Variants in PDE7B observed in about 807,000 individuals in gnomAD.
The protein encoded by PDE7B is 3',5'-cyclic-AMP phosphodiesterase 7B.
A neutral mutation model predicts 56.2 loss-of-function variants in PDE7B; 29 were observed. The ratio of observed to expected loss-of-function variants is 0.52; its 90% CI spans 0.38 to 0.70. The LOEUF is 0.70. Ranked by LOEUF, PDE7B falls within the 30% of genes least tolerant of loss-of-function variation. The probability of loss-of-function intolerance (pLI) is 0.00; values close to 1 mark genes in which losing one functional copy is unlikely to be tolerated. For synonymous variants in PDE7B, 197 were observed against 196.9 expected, an observed-to-expected ratio of 1.00 and a Z score of 0.00; for missense variants, 490 against 565.0, an observed-to-expected ratio of 0.87 and a Z score of 1.35.
At chr6:136,071,039 A>G (rs566261445) in intron 2 of PDE7B, among the ~76,000 whole-genome samples, 1 of 152,076 alleles carries the variant, frequency 6.6e-6, no homozygotes, top group East Asian at 1.9e-4. Flanking sequence ...TTCCAAACCC[A>G]CGCCTGGACC....
chr6:136,179,902 C>T (rs3823160), intron 10 of PDE7B, among the ~76,000 whole-genome samples: 19,559 of 152,226 alleles, frequency 0.13, 3,025 homozygotes, highest in African/African-American at 0.36. Flanking sequence ...TTTTACTCCA[C>T]GGCAAGAAGC....
intron 3 of PDE7B, among the ~76,000 whole-genome samples, chr6:136,143,205 T>A (rs1778357003): frequency 6.6e-6 from 1 of 152,060 alleles, no homozygotes; most frequent in African/African-American, 2.4e-5. Flanking sequence ...CTGGGGTTTT[T>A]TAAACACCAT....
chr6:135,941,808 T>G (rs1335340863), intron 1 of PDE7B, among the ~76,000 whole-genome samples: 1 of 152,192 alleles, frequency 6.6e-6, no homozygotes, highest in Non-Finnish European at 1.5e-5. Context: ...CATCAAGGAT[T>G]TCTGTCTTTG....
intron 1 of PDE7B, among the ~76,000 whole-genome samples, chr6:135,861,107 G>A (rs563615616): frequency 1.3e-5 from 2 of 151,810 alleles, no homozygotes; most frequent in East Asian, 3.9e-4. Context: ...CTGAATACAC[G>A]GTATTTACCA....
chr6:136,030,363 G>A (rs1481507140), intron 2 of PDE7B, among the ~76,000 whole-genome samples: 2 of 152,212 alleles, frequency 1.3e-5, no homozygotes, highest in Non-Finnish European at 2.9e-5. Flanking sequence ...TAAATACTGT[G>A]CCTAGGGCGC....
chr6:136,180,227 T>A (rs1020959208), intron 10 of PDE7B, among the ~76,000 whole-genome samples: 6 of 152,232 alleles, frequency 3.9e-5, no homozygotes, highest in Admixed American at 6.5e-5. Context: ...CCTTCCTTAT[T>A]TCTTTCCAAA....
chr6:135,966,593 G>A (rs1027519694), intron 2 of PDE7B, among the ~76,000 whole-genome samples: 5 of 152,030 alleles, frequency 3.3e-5, no homozygotes, highest in East Asian at 1.9e-4. Flanking sequence ...GGCAGCCCTG[G>A]GCATGAGAGA....
intron 1 of PDE7B, among the ~76,000 whole-genome samples, chr6:135,919,465 C>T (rs1381140726): frequency 1.3e-5 from 2 of 152,198 alleles, no homozygotes; most frequent in African/African-American, 2.4e-5. Flanking sequence ...TAATCATGTC[C>T]TCACTGTGAA....
At chr6:136,070,744 T>C (rs1298459869) in intron 2 of PDE7B, among the ~76,000 whole-genome samples, 1 of 152,210 alleles carries the variant, frequency 6.6e-6, no homozygotes, top group Non-Finnish European at 1.5e-5. Flanking sequence ...TTGACTTTTT[T>C]ATTATGACCA....
At chr6:136,001,915 G>A (rs1036738520) in intron 2 of PDE7B, among the ~76,000 whole-genome samples, 2 of 151,958 alleles carry the variant, frequency 1.3e-5, no homozygotes, top group African/African-American at 4.8e-5. Flanking sequence ...CACCAAAGTT[G>A]AAATGAAGGA....
intron 2 of PDE7B, among the ~76,000 whole-genome samples, chr6:135,986,728 C>G (rs375056218): frequency 6.6e-6 from 1 of 152,192 alleles, no homozygotes; most frequent in East Asian, 1.9e-4. Context: ...ATTAGTGTTA[C>G]TTTCTTCAAC....
chr6:136,142,979 T>A (rs1173044521), intron 3 of PDE7B, among the ~76,000 whole-genome samples: 1 of 152,164 alleles, frequency 6.6e-6, no homozygotes, highest in African/African-American at 2.4e-5. Flanking sequence ...ATGTGTGAAT[T>A]TGATCCTGTC....
At chr6:136,006,339 A>G (rs1216249620) in intron 2 of PDE7B, among the ~76,000 whole-genome samples, 1 of 152,082 alleles carries the variant, frequency 6.6e-6, no homozygotes, top group African/African-American at 2.4e-5. Flanking sequence ...CATGTACCCT[A>G]AAACTTAAAG....
At chr6:136,170,186 G>A (rs1778857160) in intron 8 of PDE7B, among the ~76,000 whole-genome samples, 1 of 152,176 alleles carries the variant, frequency 6.6e-6, no homozygotes, top group Non-Finnish European at 1.5e-5. Context: ...CTCAGATACA[G>A]TAGGGGCATA....
At chr6:136,110,095 A>C (rs561430103) in intron 3 of PDE7B, among the ~76,000 whole-genome samples, 1 of 152,126 alleles carries the variant, frequency 6.6e-6, no homozygotes. Flanking sequence ...TTAATCTCCC[A>C]TATCAATGTG....
chr6:136,186,103 G>A (rs1779140908), intron 11 of PDE7B, among the ~76,000 whole-genome samples: 1 of 151,800 alleles, frequency 6.6e-6, no homozygotes, highest in Non-Finnish European at 1.5e-5. Context: ...CAGCCTGATA[G>A]CTGACCAAGG....
At chr6:135,852,040 C>T (rs373467905) in intron 1 of PDE7B, 21 bp downstream of exon 1, 17 of 1,579,268 alleles carry the variant, frequency 1.1e-5, no homozygotes, top group South Asian at 8.9e-5. Context: ...CAAATTTAAG[C>T]GGCAAGCTCA....
intron 2 of PDE7B, among the ~76,000 whole-genome samples, chr6:135,996,613 G>T (rs17065194): frequency 0.015 from 2,346 of 152,320 alleles, 28 homozygotes; most frequent in Non-Finnish European, 0.023. Context: ...TAGCTTTGTT[G>T]CTGAGAGAAG....
intron 1 of PDE7B, among the ~76,000 whole-genome samples, chr6:135,937,488 A>G (rs753067750): frequency 6.6e-6 from 1 of 152,142 alleles, no homozygotes; most frequent in East Asian, 1.9e-4. Flanking sequence ...TTGCATCAAC[A>G]GTTTCTCATT....
Sources: allele counts gnomAD v4.1 joint callset (sites outside exome capture counted in the v4.1 genomes callset), GRCh38; gene constraint gnomAD v4.1.1; transcripts MANE v1.5; gene names NCBI Gene and HGNC (gene_info 2026-07-23, HGNC 2026-07-21).